HEBP2: variants seen among roughly 807,000 people sequenced by gnomAD.
The protein encoded by HEBP2 is heme binding protein 2, also known as heme-binding protein 2.
Under a neutral mutation model 23.1 loss-of-function variants are expected in HEBP2, and 27 were observed. That is an observed-to-expected ratio of 1.17 (90% CI 0.86 to 1.61). HEBP2 has a LOEUF of 1.61. HEBP2 is among the 40% of genes most tolerant of loss of function. The pLI, the probability that HEBP2 is intolerant of heterozygous loss-of-function variation, is 0.00. For missense variants in HEBP2, 245 were observed against 253.8 expected, an observed-to-expected ratio of 0.97 and a Z score of 0.24; for synonymous variants, 99 against 95.1, an observed-to-expected ratio of 1.04 and a Z score of -0.24.
Position 138,414,319 on chromosome 6 carries a change from C to G in HEBP2, c.*1241C>G, listed in dbSNP as rs1290712128. The G allele has an allele frequency of 6.6e-6, 1 of 152,216 alleles. No homozygotes were observed. The highest frequency in any genetic ancestry group is 1.5e-5 in the Non-Finnish European group (1 of 68,058). The allele number at this position is 152,216 out of a possible 1,614,324, so 9.4% of individuals were successfully genotyped here. Reference sequence around the variant, plus strand: ...GTTTTAGGAAGGATTAACAGACTTTCAAAAGCATTTAGGAGTCGAGGGAGC... The same window carrying G: ...GTTTTAGGAAGGATTAACAGACTTTGAAAAGCATTTAGGAGTCGAGGGAGC... On this transcript the variant is annotated 3_prime_UTR_variant, in exon 4 of 4. Coordinates refer to ENST00000607197, the MANE Select transcript of HEBP2 (RefSeq NM_014320.3).
rs144698153 is a variant in HEBP2, at chr6:138,413,345, C to G, written c.*267C>G. Reference sequence around the variant, plus strand: ...ATCTAGGGAAATTTCATGTCACTTCCCTCCTTCACTGCATCACAATCATAT... The same window carrying G: ...ATCTAGGGAAATTTCATGTCACTTCGCTCCTTCACTGCATCACAATCATAT... On this transcript the variant is annotated 3_prime_UTR_variant, in exon 4 of 4. Transcript: ENST00000607197. 4.1e-5 allele frequency: 14 copies of G among 344,518 alleles called. No homozygotes were observed. The South Asian group carries it at 5.1e-4, about 13-fold the overall frequency. 21.3% of individuals were successfully genotyped at this position (344,518 alleles called of 1,614,324 possible). A position where few individuals can be genotyped will look rare whatever the true frequency, so the allele number is the denominator to read the frequency against.
At chr6:138,406,853 C>T (rs961438967) in intron 3 of HEBP2, among the ~76,000 whole-genome samples, 1 of 152,022 alleles carries the variant, frequency 6.6e-6, no homozygotes, top group Admixed American at 6.6e-5. Flanking sequence ...ATGGCAAGGC[C>T]CCATCTCTAC....
At position 138,420,458 on chromosome 6, in the gene HEBP2, C is replaced by T. The variant is rs1356564403; in HGVS notation, c.*7380C>T. On this transcript the variant is annotated 3_prime_UTR_variant, in exon 4 of 4. Coordinates refer to ENST00000607197, the MANE Select transcript of HEBP2 (RefSeq NM_014320.3). ...GGCATAGAGCGGTGCCACTTAGATC[C>T]CCCTTCAAGACAAGATATGCCATCC... The T allele has an allele frequency of 2.6e-5, 4 of 152,142 alleles. No individual in the cohort carries two copies. Among genetic ancestry groups the T allele is most frequent in the African/African-American group, 7.2e-5 (3 of 41,390 alleles). 9.4% of individuals were successfully genotyped at this position (152,142 alleles called of 1,614,324 possible).
At chr6:138,408,277 C>T (rs1355680249) in intron 3 of HEBP2, among the ~76,000 whole-genome samples, 2 of 152,232 alleles carry the variant, frequency 1.3e-5, no homozygotes, top group Non-Finnish European at 2.9e-5. Flanking sequence ...TCTTTAAATT[C>T]TCTCTTCTTG....
chr6:138,412,337 A>G (rs1774761120), intron 3 of HEBP2: 1 of 237,024 alleles, frequency 4.2e-6, no homozygotes, highest in South Asian at 4.5e-5. Flanking sequence ...CCACCTGTCA[A>G]CAGATGGAAG....
In HEBP2 at chr6:138,415,315, ACTGT is replaced by A. The variant is rs929017674; in HGVS notation, c.*2241_*2244del. 18 of 152,146 alleles carry A rather than the reference ACTGT, an allele frequency of 1.2e-4. No homozygotes were observed. The highest frequency in any genetic ancestry group is 2.1e-4 in the South Asian group (1 of 4,822). 9.4% of individuals were successfully genotyped at this position (152,146 alleles called of 1,614,324 possible). A position where few individuals can be genotyped will look rare whatever the true frequency, so the allele number is the denominator to read the frequency against. ...ACAGCATTTGCAGGCTGAGTGACTC[ACTGT>A]CTGGCTGGCTCGGAGGCCCCCATCC... On this transcript the variant is annotated 3_prime_UTR_variant, in exon 4 of 4. Coordinates refer to ENST00000607197, the MANE Select transcript of HEBP2 (RefSeq NM_014320.3).
rs148433984 is a variant in HEBP2 at position 138,405,146 on chromosome 6, C to T, written c.104C>T (p.Pro35Leu). 229 of 1,609,794 alleles carry T rather than the reference C, an allele frequency of 1.4e-4. No individual in the cohort carries two copies. In the African/African-American group the frequency reaches 2.9e-3, roughly 20 times the overall value. ...WKAPEDAGPQ[P>L]GSYEIRHYGP... is the part of the protein sequence containing the mutation. ...GAAGTTTTCTCTGTTCCACTTTAGC[C>T]CGGAAGTTATGAGATCCGACACTAT... The change falls in exon 2 of 4, where the codon CCC becomes CTC. Residue 35 changes from proline to leucine, a missense_variant and splice_region_variant. Coordinates refer to ENST00000607197, the MANE Select transcript of HEBP2 (RefSeq NM_014320.3).
At position 138,418,425 on chromosome 6, in the gene HEBP2, C is replaced by T. The variant is rs958618489; in HGVS notation, c.*5347C>T. ...AACAGCCTCTGCTGTGCTACTGGGC[C>T]CTGGTAGACACGGAACTTTGAGACC... On this transcript the variant is annotated 3_prime_UTR_variant, in exon 4 of 4. Coordinates refer to ENST00000607197, the MANE Select transcript of HEBP2 (RefSeq NM_014320.3). The T allele has an allele frequency of 6.6e-6, 1 of 152,158 alleles. No homozygotes were observed. Among genetic ancestry groups the T allele is most frequent in the Non-Finnish European group, 1.5e-5 (1 of 68,064 alleles). 9.4% of individuals were successfully genotyped at this position (152,158 alleles called of 1,614,324 possible).
chr6:138,407,243 C>T (rs573784930), intron 3 of HEBP2, among the ~76,000 whole-genome samples: 11 of 152,302 alleles, frequency 7.2e-5, no homozygotes, highest in East Asian at 1.9e-4. Flanking sequence ...GTTCATCCTG[C>T]GGCCGATTCC....
intron 3 of HEBP2, chr6:138,412,191 G>C (rs1447684938): frequency 2.7e-6 from 1 of 367,084 alleles, no homozygotes; most frequent in Admixed American, 3.8e-5. Context: ...GGATGTGGGA[G>C]CTCGGAGGAA....
At chr6:138,412,537 T>TCCACCTC (rs1774765056) in intron 3 of HEBP2, among the ~76,000 whole-genome samples, 1 of 151,908 alleles carries the variant, frequency 6.6e-6, no homozygotes, top group Non-Finnish European at 1.5e-5. Flanking sequence ...CACTGCAACC[T>TCCACCTC]CCACCTCCCA....
At chr6:138,407,269 C>T (rs528155013) in intron 3 of HEBP2, among the ~76,000 whole-genome samples, 16 of 152,314 alleles carry the variant, frequency 1.1e-4, no homozygotes, top group African/African-American at 3.6e-4. Context: ...ATCTATGAAC[C>T]TGTGAAATCA....
At position 138,405,989 on chromosome 6, in the gene HEBP2, C is replaced by T. The variant is rs147872177; in HGVS notation, c.257C>T (p.Thr86Ile). 205 of 1,611,932 alleles carry T rather than the reference C, an allele frequency of 1.3e-4. No homozygotes were observed. Among genetic ancestry groups the T allele is most frequent in the Non-Finnish European group, 1.6e-4 (193 of 1,179,302 alleles). The change falls in exon 3 of 4, where the codon ACA becomes ATA. Residue 86 changes from threonine to isoleucine, a missense_variant. Thr to Ile is a moderately conservative substitution (Grantham distance 89, BLOSUM62 -1). Coordinates refer to ENST00000607197, the MANE Select transcript of HEBP2 (RefSeq NM_014320.3). ...KNEKEMKIKM[T>I]APVTSYVEPG... The stretch of plus-strand genomic sequence containing the variant: ...GTCACAGAGATGAAAATAAAGATGA[C>T]AGCTCCAGTGACAAGCTACGTGGAG...
Position 138,418,855 on chromosome 6 carries a change from C to A in HEBP2, c.*5777C>A, listed in dbSNP as rs1250266399. ...TTTTGAGGTACACTGGATCATTCAC[C>A]TTGTGAGGGAGGACAGGTAAAATAT... On this transcript the variant is annotated 3_prime_UTR_variant, in exon 4 of 4. Coordinates refer to ENST00000607197, the MANE Select transcript of HEBP2 (RefSeq NM_014320.3). 6.6e-6 allele frequency: 1 copy of A among 152,092 alleles called. No homozygotes were observed. Among genetic ancestry groups the A allele is most frequent in the Non-Finnish European group, 1.5e-5 (1 of 68,024 alleles). 9.4% of individuals were successfully genotyped at this position (152,092 alleles called of 1,614,324 possible). A position where few individuals can be genotyped will look rare whatever the true frequency, so the allele number is the denominator to read the frequency against.
At chr6:138,410,666 A>T (rs1774730286) in intron 3 of HEBP2, among the ~76,000 whole-genome samples, 1 of 152,022 alleles carries the variant, frequency 6.6e-6, no homozygotes, top group Non-Finnish European at 1.5e-5. Context: ...TTATATTTTT[A>T]GTAGAGACGG....
Position 138,404,368 on chromosome 6 carries a change from G to C in HEBP2, c.-128G>C, listed in dbSNP as rs974839587. 3.7e-6 allele frequency: 2 copies of C among 538,472 alleles called. No individual in the cohort carries two copies. The highest frequency in any genetic ancestry group is 2.0e-5 in the African/African-American group (1 of 50,028). The allele number at this position is 538,472 out of a possible 1,614,324, so 33.4% of individuals were successfully genotyped here. A position where few individuals can be genotyped will look rare whatever the true frequency, so the allele number is the denominator to read the frequency against. Reference sequence around the variant, plus strand: ...GTGGGCTCGGGTCTCCAGCCCGGCCGGGAGGAGGGACCGGGTCTGCGGAGC... The same window carrying C: ...GTGGGCTCGGGTCTCCAGCCCGGCCCGGAGGAGGGACCGGGTCTGCGGAGC... On this transcript the variant is annotated 5_prime_UTR_variant, in exon 1 of 4. Transcript: ENST00000607197.
chr6:138,406,057 C>T lies in HEBP2; in HGVS notation c.325C>T (p.Leu109=). 3 of 1,614,108 alleles carry T rather than the reference C, an allele frequency of 1.9e-6. No homozygotes were observed. The highest frequency in any genetic ancestry group is 2.5e-6 in the Non-Finnish European group (3 of 1,179,954). Residue 109 remains leucine (L), a synonymous_variant, in exon 3 of 4, where the codon CTG becomes TTG. Coordinates refer to ENST00000607197, the MANE Select transcript of HEBP2 (RefSeq NM_014320.3). The stretch of plus-strand genomic sequence containing the variant: ...TAGTGAGTCTACCATTACCATTTCC[C>T]TGTATATTCCCTCTGAACAGCAATT... ...PFSESTITIS[L]YIPSEQQFDP... is the part of the protein sequence containing the mutation.
At chr6:138,412,820 C>T in intron 3 of HEBP2, 60 bp from the exon 4 acceptor site, 1 of 1,438,680 alleles carries the variant, frequency 7.0e-7, no homozygotes. Flanking sequence ...CTTTTTGCTT[C>T]AGACTGACAT....
chr6:138,403,741 C>T (rs1325610121), upstream of HEBP2: 3 of 405,016 alleles, frequency 7.4e-6, no homozygotes, highest in Non-Finnish European at 1.3e-5. Context: ...GGCCTCGGCA[C>T]TAACTCTCCC....
Sources: allele counts gnomAD v4.1 joint callset (sites outside exome capture counted in the v4.1 genomes callset), GRCh38; gene constraint gnomAD v4.1.1; transcripts MANE v1.5; gene names NCBI Gene and HGNC (gene_info 2026-07-23, HGNC 2026-07-21).